TENT5D: variants seen among roughly 807,000 people sequenced by gnomAD.
TENT5D encodes terminal nucleotidyltransferase 5D.
For synonymous variants in TENT5D, 103 were observed against 100.6 expected, an observed-to-expected ratio of 1.02 and a Z score of -0.15; for missense variants, 191 against 287.0, an observed-to-expected ratio of 0.67 and a Z score of 2.42.
chrX:80,408,049 C>G (rs1441669485), intron 3 of TENT5D, among the ~76,000 whole-genome samples: 2 of 108,847 alleles, frequency 1.8e-5, no homozygotes, highest in East Asian at 5.8e-4. Flanking sequence ...TTCTTTGAAA[C>G]CAACGAGAAC....
At chrX:80,396,900 GGGCTGACCCCCCCACCTCCCTCCCAGA>G (rs1931264367) in intron 3 of TENT5D, among the ~76,000 whole-genome samples, 1 of 89,565 alleles carries the variant, frequency 1.1e-5, no homozygotes, top group African/African-American at 4.1e-5. Context: ...GCCGGGCGGG[GGGCTGACCCCCCCACCTCCCTCCCAGA>G]CGGGGCGGCT....
intron 3 of TENT5D, among the ~76,000 whole-genome samples, chrX:80,397,973 G>C (rs943142851): frequency 9.0e-6 from 1 of 111,361 alleles, no homozygotes; most frequent in Non-Finnish European, 1.9e-5. Flanking sequence ...GAGGGAGAGG[G>C]AGAGGGAGAG....
intron 3 of TENT5D, among the ~76,000 whole-genome samples, chrX:80,402,902 G>T (rs1002413052): frequency 2.7e-5 from 3 of 111,788 alleles, no homozygotes; most frequent in African/African-American, 9.7e-5. Context: ...GGTCCATTTG[G>T]CCTAAAGTAT....
chrX:80,415,142 G>A (rs1029899831), intron 3 of TENT5D, among the ~76,000 whole-genome samples: 1 of 111,517 alleles, frequency 9.0e-6, no homozygotes, highest in Non-Finnish European at 1.9e-5. Flanking sequence ...CATTAGTTTT[G>A]TATCCTGAAG....
At chrX:80,379,389 G>A (rs932993604) in intron 3 of TENT5D, among the ~76,000 whole-genome samples, 1 of 110,254 alleles carries the variant, frequency 9.1e-6, no homozygotes. Flanking sequence ...TATTCATCAG[G>A]GATATTGGTC....
chrX:80,432,723 AT>A (rs1258961327), intron 1 of TENT5D, among the ~76,000 whole-genome samples: 2 of 111,063 alleles, frequency 1.8e-5, no homozygotes, highest in Non-Finnish European at 3.8e-5. Context: ...GTCCAGGAGA[AT>A]TAAGGAGCGC....
chrX:80,413,157 T>C (rs1931705021), intron 3 of TENT5D, among the ~76,000 whole-genome samples: 1 of 112,142 alleles, frequency 8.9e-6, no homozygotes, highest in African/African-American at 3.2e-5. Context: ...TTCACCAAAT[T>C]TTTAAAACCA....
intron 2 of TENT5D, among the ~76,000 whole-genome samples, chrX:80,442,033 G>T (rs924522183): frequency 9.0e-6 from 1 of 111,112 alleles, no homozygotes; most frequent in African/African-American, 3.3e-5. Flanking sequence ...GTATATGAGA[G>T]AGTGATCTGA....
intron 3 of TENT5D, among the ~76,000 whole-genome samples, chrX:80,349,078 A>T (rs967108538): frequency 3.6e-5 from 4 of 111,736 alleles, no homozygotes; most frequent in African/African-American, 1.3e-4. Flanking sequence ...TTTATTGAGG[A>T]TTTTCACATC....
At chrX:80,366,520 T>A (rs1930514775) in intron 3 of TENT5D, among the ~76,000 whole-genome samples, 1 of 111,301 alleles carries the variant, frequency 9.0e-6, no homozygotes, top group Non-Finnish European at 1.9e-5. Context: ...TTTTCCCTTT[T>A]CTCACAGAAT....
intron 3 of TENT5D, among the ~76,000 whole-genome samples, chrX:80,394,532 CAGACA>C (rs1931203835): frequency 2.8e-5 from 3 of 106,179 alleles, no homozygotes; most frequent in African/African-American, 6.9e-5. Context: ...GCTGGGATTA[CAGACA>C]TGCGCCACCA....
At chrX:80,336,634 T>C (rs1175020055) in intron 2 of TENT5D, among the ~76,000 whole-genome samples, 2 of 110,370 alleles carry the variant, frequency 1.8e-5, no homozygotes, top group African/African-American at 3.3e-5. Context: ...CCTGGACTCT[T>C]AGTATTTTTT....
At chrX:80,372,439 A>C (rs1361811157) in intron 3 of TENT5D, among the ~76,000 whole-genome samples, 1 of 112,074 alleles carries the variant, frequency 8.9e-6, no homozygotes, top group Non-Finnish European at 1.9e-5. Flanking sequence ...CATTGTGTGT[A>C]TATATAAAAA....
chrX:80,354,228 T>A (rs1444151333), intron 3 of TENT5D, among the ~76,000 whole-genome samples: 1 of 111,566 alleles, frequency 9.0e-6, no homozygotes, highest in Non-Finnish European at 1.9e-5. Flanking sequence ...GTTCTTTAAA[T>A]TTGCATGTTG....
chrX:80,426,223 T>C (rs1931986485), intron 1 of TENT5D, among the ~76,000 whole-genome samples: 1 of 111,276 alleles, frequency 9.0e-6, no homozygotes, highest in Non-Finnish European at 1.9e-5. Flanking sequence ...CCATTAAATA[T>C]GTTATTGGTT....
At chrX:80,392,428 G>A (rs968254247) in intron 3 of TENT5D, among the ~76,000 whole-genome samples, 1 of 106,151 alleles carries the variant, frequency 9.4e-6, no homozygotes, top group African/African-American at 3.4e-5. Context: ...ATTCTTAATG[G>A]GCCAATTTCT....
intron 2 of TENT5D, among the ~76,000 whole-genome samples, chrX:80,337,435 A>G (rs1208990431): frequency 8.9e-6 from 1 of 111,796 alleles, no homozygotes; most frequent in East Asian, 2.8e-4. Context: ...TAGTTGTGCT[A>G]TAGTATTTGC....
chrX:80,407,437 C>A (rs1444728946), intron 3 of TENT5D, among the ~76,000 whole-genome samples: 1 of 108,911 alleles, frequency 9.2e-6, no homozygotes, highest in African/African-American at 3.4e-5. Context: ...CAAAAAAAGG[C>A]AGGGGTTGCA....
intron 3 of TENT5D, among the ~76,000 whole-genome samples, chrX:80,394,215 C>A (rs1276728435): frequency 1.8e-5 from 2 of 110,855 alleles, no homozygotes; most frequent in African/African-American, 6.6e-5. Flanking sequence ...CTCACCAACA[C>A]TTGTTATCTT....
Sources: gnomAD v4.1 joint callset for allele counts (sites outside exome capture counted in the v4.1 genomes callset) on GRCh38, gnomAD v4.1.1 for gene constraint, MANE v1.5 for transcripts, NCBI Gene and HGNC (gene_info 2026-07-23, HGNC 2026-07-21) for gene names.